The following NELL1 variants were observed in gnomAD, a reference collection of about 807,000 sequenced individuals.
The protein encoded by NELL1 is protein kinase C-binding protein NELL1.
NELL1 carries 76 observed loss-of-function variants against 107.4 expected under a neutral mutation model. The observed-to-expected ratio is 0.71, with a 90% confidence interval of 0.59 to 0.86. NELL1 has a LOEUF of 0.86. Among genes scored for constraint, NELL1 ranks in the 40% least tolerant of loss-of-function variants. The pLI, the probability that NELL1 is intolerant of heterozygous loss-of-function variation, is 0.00. For missense variants in NELL1, 1,024 were observed against 1,005.5 expected (o/e 1.02, Z -0.25); for synonymous variants, 353 against 341.2 (o/e 1.03, Z -0.38).
At position 21,113,623 on chromosome 11, in the gene NELL1, T is replaced by C; in HGVS notation, c.1335T>C (p.Cys445=). The C allele has an allele frequency of 6.2e-7, 1 of 1,612,176 alleles. No homozygotes were observed. Among genetic ancestry groups the C allele is most frequent in the South Asian group, 1.1e-5 (1 of 90,978 alleles). The change falls in exon 13 of 20, where the codon TGT becomes TGC. Residue 445 remains cysteine (C), a synonymous_variant. Coordinates refer to ENST00000357134, the MANE Select transcript of NELL1 (RefSeq NM_006157.5). ...AGTGTGCAGCTAAGATGCATTACTG[T>C]CATGCCAATACTGTGTGTGTCAACC... ...IDECAAKMHY[C]HANTVCVNLP...
At chr11:21,266,621 T>C (rs1848640702) in intron 14 of NELL1, among the ~76,000 whole-genome samples, 1 of 152,102 alleles carries the variant, frequency 6.6e-6, no homozygotes, top group Admixed American at 6.6e-5. Flanking sequence ...TTCCAGCTAA[T>C]TATCTTGTCA....
At chr11:21,209,229 A>C (rs144124423) in intron 13 of NELL1, among the ~76,000 whole-genome samples, 1 of 151,802 alleles carries the variant, frequency 6.6e-6, no homozygotes, top group African/African-American at 2.4e-5. Context: ...ACAGATTTTC[A>C]GATTTTACAT....
intron 12 of NELL1, among the ~76,000 whole-genome samples, chr11:21,107,162 C>A (rs1028402657): frequency 6.6e-6 from 1 of 152,094 alleles, no homozygotes; most frequent in Non-Finnish European, 1.5e-5. Context: ...TACACAAAGT[C>A]CGTAATATAC....
intron 14 of NELL1, among the ~76,000 whole-genome samples, chr11:21,251,862 T>C (rs187668072): frequency 1.3e-5 from 2 of 152,232 alleles, no homozygotes; most frequent in Admixed American, 1.3e-4. Flanking sequence ...TGAGTAGTTA[T>C]GTTACATACA....
At chr11:21,528,737 T>C (rs1469073414) in intron 15 of NELL1, among the ~76,000 whole-genome samples, 1 of 152,082 alleles carries the variant, frequency 6.6e-6, no homozygotes, top group Non-Finnish European at 1.5e-5. Context: ...TCAAAAAAGA[T>C]AAATAACTTG....
chr11:20,893,855 T>TAAAAAAAAAAAAA (rs10658756), intron 5 of NELL1, among the ~76,000 whole-genome samples: 1 of 127,188 alleles, frequency 7.9e-6, no homozygotes, highest in Non-Finnish European at 1.6e-5. Flanking sequence ...GTGAGGTAGT[T>TAAAAAAAAAAAAA]AAAAAAAAAA....
intron 5 of NELL1, among the ~76,000 whole-genome samples, chr11:20,892,656 C>T (rs540999846): frequency 1.1e-4 from 17 of 152,212 alleles, no homozygotes; most frequent in Non-Finnish European, 2.5e-4. Flanking sequence ...TCAGGCCAGA[C>T]ACGGTGGCTC....
At chr11:21,401,361 G>T (rs146903502) in intron 15 of NELL1, among the ~76,000 whole-genome samples, 2 of 151,724 alleles carry the variant, frequency 1.3e-5, no homozygotes, top group Admixed American at 1.3e-4. Flanking sequence ...GACTTTATTT[G>T]TTACTTTGAG....
chr11:21,564,576 C>A (rs892119072), intron 17 of NELL1, among the ~76,000 whole-genome samples: 1 of 151,790 alleles, frequency 6.6e-6, no homozygotes, highest in African/African-American at 2.4e-5. Context: ...AGGAAGAGAG[C>A]GAACTATGAA....
At position 21,290,597 on chromosome 11, in the gene NELL1, T is replaced by C. The variant is rs571009444; in HGVS notation, c.1549+61143T>C. 2.6e-5 allele frequency among the ~76,000 whole-genome samples: 4 copies of C among 152,152 alleles called. No individual in the cohort carries two copies. In the South Asian group the frequency reaches 8.3e-4, roughly 32 times the overall value. On this transcript the variant is annotated intron_variant, in intron 14 of 19. Transcript: ENST00000357134. ...AGAGACACCTCATACAGGAAAGCTC[T>C]GGCTGGCATATGGCAGGTGCCCCTC... is the stretch of plus-strand genomic sequence containing the variant.
At chr11:21,220,372 G>T (rs1857724127) in intron 13 of NELL1, among the ~76,000 whole-genome samples, 1 of 151,954 alleles carries the variant, frequency 6.6e-6, no homozygotes, top group Non-Finnish European at 1.5e-5. Flanking sequence ...CAAGTTTTAG[G>T]CTTTTTTTCT....
intron 12 of NELL1, among the ~76,000 whole-genome samples, chr11:21,029,535 A>G (rs901677733): frequency 6.6e-6 from 1 of 152,086 alleles, no homozygotes; most frequent in African/African-American, 2.4e-5. Context: ...ATGCACTATG[A>G]AAACGTAATT....
At chr11:21,387,406 G>A (rs1851772543) in intron 15 of NELL1, among the ~76,000 whole-genome samples, 1 of 151,804 alleles carries the variant, frequency 6.6e-6, no homozygotes, top group African/African-American at 2.4e-5. Flanking sequence ...TTTTGTCAGT[G>A]TTTGCTGCTA....
chr11:21,157,024 C>T (rs1401499459), intron 13 of NELL1, among the ~76,000 whole-genome samples: 1 of 151,776 alleles, frequency 6.6e-6, no homozygotes, highest in Admixed American at 6.6e-5. Flanking sequence ...ATCGCTGTAA[C>T]CCAGGAGGCG....
At chr11:21,012,469 A>G (rs1852469385) in intron 12 of NELL1, among the ~76,000 whole-genome samples, 2 of 152,064 alleles carry the variant, frequency 1.3e-5, no homozygotes, top group Non-Finnish European at 2.9e-5. Flanking sequence ...AGGACAAGCT[A>G]TGATCCTTGG....
intron 15 of NELL1, among the ~76,000 whole-genome samples, chr11:21,386,242 C>T (rs904625408): frequency 1.3e-5 from 2 of 150,038 alleles, no homozygotes; most frequent in Non-Finnish European, 3.0e-5. Flanking sequence ...CCCAGAGTGT[C>T]TCCAAACTGA....
rs540151336 is a variant in NELL1 at position 20,986,019 on chromosome 11, A to T, written c.1300+25459A>T. On this transcript the variant is annotated intron_variant, in intron 12 of 19. Coordinates refer to ENST00000357134, the MANE Select transcript of NELL1 (RefSeq NM_006157.5). ...TGAAGAAGTTAGAATTAGAAGCCCA[A>T]AGTTGGCATGCTATGAGCTACACTT... 2.0e-5 allele frequency among the ~76,000 whole-genome samples: 3 copies of T among 152,266 alleles called. No individual in the cohort carries two copies. The East Asian group carries it at 5.8e-4, about 29-fold the overall frequency.
At chr11:20,831,742 C>T (rs1858014433) in intron 3 of NELL1, among the ~76,000 whole-genome samples, 1 of 152,092 alleles carries the variant, frequency 6.6e-6, no homozygotes, top group Non-Finnish European at 1.5e-5. Context: ...ATCAATTTAC[C>T]TAACGGCCAG....
At chr11:21,443,106 G>T (rs1419682079) in intron 15 of NELL1, among the ~76,000 whole-genome samples, 2 of 151,962 alleles carry the variant, frequency 1.3e-5, no homozygotes, top group Non-Finnish European at 2.9e-5. Context: ...AAGATTGACG[G>T]GACATATCCA....
Sources: gnomAD v4.1 joint callset for allele counts (sites outside exome capture counted in the v4.1 genomes callset) on GRCh38, gnomAD v4.1.1 for gene constraint, MANE v1.5 for transcripts, NCBI Gene and HGNC (gene_info 2026-07-23, HGNC 2026-07-21) for gene names.